CACNA2D3: variants seen among roughly 807,000 people sequenced by gnomAD.
CACNA2D3 encodes the protein voltage-dependent calcium channel subunit alpha-2/delta-3.
In CACNA2D3, 60 loss-of-function variants were observed where a neutral mutation model predicts 160.6. The observed-to-expected ratio is 0.37, with a 90% CI of 0.30 to 0.46. CACNA2D3 has a LOEUF of 0.46. Among genes scored for constraint, CACNA2D3 ranks in the 20% least tolerant of loss-of-function variants. The pLI is 1.00. For missense variants in CACNA2D3, 1,205 were observed against 1,365.0 expected, an observed-to-expected ratio of 0.88 and a Z score of 1.85; for synonymous variants, 558 against 492.9, an observed-to-expected ratio of 1.13 and a Z score of -1.75.
At chr3:54,646,184 CTCCTTCCTTGCTTCCT>C (rs1317465176) in intron 11 of CACNA2D3, among the ~76,000 whole-genome samples, 2,059 of 14,714 alleles carry the variant, frequency 0.14, 328 homozygotes, top group Non-Finnish European at 0.18. Context: ...CCCTCCCTCC[CTCCTTCCTTGCTTCCT>C]TCCTTCCTTC....
chr3:54,561,029 C>T (rs1399027169), intron 5 of CACNA2D3, among the ~76,000 whole-genome samples: 2 of 152,140 alleles, frequency 1.3e-5, no homozygotes, highest in Non-Finnish European at 2.9e-5. Flanking sequence ...TAGCTTTATT[C>T]ATTTTGATTA....
At chr3:54,222,001 A>G (rs991875609) in intron 2 of CACNA2D3, among the ~76,000 whole-genome samples, 1 of 152,186 alleles carries the variant, frequency 6.6e-6, no homozygotes, top group Non-Finnish European at 1.5e-5. Flanking sequence ...GGTGTGAACC[A>G]CTGCACCTGG....
At chr3:54,606,658 C>T (rs904382573) in intron 9 of CACNA2D3, among the ~76,000 whole-genome samples, 2 of 152,042 alleles carry the variant, frequency 1.3e-5, no homozygotes, top group Admixed American at 6.6e-5. Context: ...GAGTTGAATT[C>T]GGAGGCTCCC....
At position 54,715,873 on chromosome 3, in the gene CACNA2D3, T is replaced by C. The variant is rs879415494; in HGVS notation, c.1168-36726T>C. On this transcript the variant is annotated intron_variant, in intron 11 of 37. Coordinates refer to ENST00000474759, the MANE Select transcript of CACNA2D3 (RefSeq NM_018398.3). ...AGACAAATATGTTTCATCTCACATA[T>C]GAACAAGTGGTTGCCAGGGGCTGGG... Among the ~76,000 whole-genome samples, 6 of 152,180 alleles carry C rather than the reference T, an allele frequency of 3.9e-5. 1 individual carries two copies. The highest frequency in any genetic ancestry group is 8.8e-5 in the Non-Finnish European group (6 of 68,028).
At chr3:54,478,999 T>G (rs1700888908) in intron 4 of CACNA2D3, among the ~76,000 whole-genome samples, 1 of 151,698 alleles carries the variant, frequency 6.6e-6, no homozygotes, top group South Asian at 2.1e-4. Flanking sequence ...CCCACCCAGA[T>G]CTCACCTTGA....
At chr3:54,196,838 A>G (rs1265268260) in intron 2 of CACNA2D3, among the ~76,000 whole-genome samples, 1 of 152,230 alleles carries the variant, frequency 6.6e-6, no homozygotes, top group Middle Eastern at 3.2e-3. Context: ...GCTGCCCTGC[A>G]GTTGCTTCTA....
intron 11 of CACNA2D3, among the ~76,000 whole-genome samples, chr3:54,647,785 A>G (rs1469441928): frequency 2.0e-5 from 3 of 152,264 alleles, no homozygotes; most frequent in African/African-American, 7.2e-5. Context: ...CTGTGAGCCT[A>G]TGAAGGCAGC....
At chr3:54,710,881 C>G (rs1045389174) in intron 11 of CACNA2D3, among the ~76,000 whole-genome samples, 6 of 152,158 alleles carry the variant, frequency 3.9e-5, no homozygotes, top group African/African-American at 1.4e-4. Flanking sequence ...AATTAAATCT[C>G]CTTACCTACA....
At chr3:55,062,649 G>C (rs1022044513) in intron 35 of CACNA2D3, among the ~76,000 whole-genome samples, 2 of 152,180 alleles carry the variant, frequency 1.3e-5, no homozygotes, top group Non-Finnish European at 2.9e-5. Context: ...CCACCAACCT[G>C]TAGAATTGGA....
At chr3:54,528,799 GCAGCCCGTAGCT>G (rs1282424042) in intron 5 of CACNA2D3, among the ~76,000 whole-genome samples, 1 of 152,132 alleles carries the variant, frequency 6.6e-6, no homozygotes, top group Non-Finnish European at 1.5e-5. Context: ...TTCAGATGGA[GCAGCCCGTAGCT>G]CAGAGCCCTA....
intron 11 of CACNA2D3, among the ~76,000 whole-genome samples, chr3:54,660,520 T>C (rs563552437): frequency 2.8e-4 from 43 of 152,316 alleles, no homozygotes; most frequent in African/African-American, 5.8e-4. Context: ...ATGAAGCTCC[T>C]TCTTCCTGTA....
intron 11 of CACNA2D3, among the ~76,000 whole-genome samples, chr3:54,677,804 G>A (rs1297326517): frequency 1.3e-5 from 2 of 152,116 alleles, no homozygotes; most frequent in East Asian, 1.9e-4. Context: ...CAGGAGTAAA[G>A]TTTGATTGAT....
At chr3:54,972,491 C>A (rs970426783) in intron 29 of CACNA2D3, among the ~76,000 whole-genome samples, 1 of 152,206 alleles carries the variant, frequency 6.6e-6, no homozygotes, top group Non-Finnish European at 1.5e-5. Context: ...TTCCTCTCCC[C>A]CAACTGCCCT....
chr3:54,228,854 C>T (rs1209918019), intron 2 of CACNA2D3, among the ~76,000 whole-genome samples: 2 of 152,196 alleles, frequency 1.3e-5, no homozygotes, highest in Non-Finnish European at 2.9e-5. Context: ...CAGAGCGACA[C>T]AGTGCCCTGC....
At chr3:54,717,346 G>C (rs1333753196) in intron 11 of CACNA2D3, among the ~76,000 whole-genome samples, 1 of 152,178 alleles carries the variant, frequency 6.6e-6, no homozygotes, top group Non-Finnish European at 1.5e-5. Context: ...ATATCCAGGA[G>C]TCGAATTACC....
intron 5 of CACNA2D3, among the ~76,000 whole-genome samples, chr3:54,541,000 G>C (rs1324297734): frequency 6.6e-6 from 1 of 152,120 alleles, no homozygotes; most frequent in South Asian, 2.1e-4. Flanking sequence ...AAGGGAGGCC[G>C]AGCGTGGTGG....
intron 4 of CACNA2D3, among the ~76,000 whole-genome samples, chr3:54,462,636 TC>T (rs930316294): frequency 1.2e-4 from 19 of 152,314 alleles, no homozygotes; most frequent in African/African-American, 4.3e-4. Context: ...TGGTAGATCT[TC>T]CTCCATCCTT....
rs116550666 is a variant in CACNA2D3, at chr3:54,194,794, C to G, written c.204+71200C>G. Among the ~76,000 whole-genome samples the G allele has an allele frequency of 5.9e-3, 896 of 152,324 alleles. 2 individuals are homozygous for G. Among genetic ancestry groups the G allele is most frequent in the Non-Finnish European group, 0.01 (690 of 68,032 alleles). On this transcript the variant is annotated intron_variant, in intron 2 of 37. Coordinates refer to ENST00000474759, the MANE Select transcript of CACNA2D3 (RefSeq NM_018398.3). ...TCCCTCAAGCCCTTTTATAAGGGCTCTCATCCCATCCTGAGGGCAAAGCCC... is the reference window on the plus strand; with the variant it reads ...TCCCTCAAGCCCTTTTATAAGGGCTGTCATCCCATCCTGAGGGCAAAGCCC...
chr3:54,807,516 C>T lies in CACNA2D3; in HGVS notation c.1381-9337C>T, dbSNP rs949477575. On this transcript the variant is annotated intron_variant, in intron 13 of 37. Coordinates refer to ENST00000474759, the MANE Select transcript of CACNA2D3 (RefSeq NM_018398.3). Reference sequence around the variant, plus strand: ...AAAACCACAATGAGATACCATCTCACACCAGTTAGAATGGCAATCATTTAA... The same window carrying T: ...AAAACCACAATGAGATACCATCTCATACCAGTTAGAATGGCAATCATTTAA... 4.7e-4 allele frequency among the ~76,000 whole-genome samples: 72 copies of T among 152,224 alleles called. 2 individuals are homozygous for T. Among genetic ancestry groups the T allele is most frequent in the African/African-American group, 1.5e-3 (64 of 41,524 alleles).
Sources: gnomAD v4.1 joint callset for allele counts (sites outside exome capture counted in the v4.1 genomes callset) on GRCh38, gnomAD v4.1.1 for gene constraint, MANE v1.5 for transcripts, NCBI Gene and HGNC (gene_info 2026-07-23, HGNC 2026-07-21) for gene names.